The following ANKRD6 variants were observed in gnomAD, a reference collection of about 807,000 sequenced individuals.
The protein encoded by ANKRD6 is ankyrin repeat domain 6.
Under a neutral mutation model 82.3 loss-of-function variants are expected in ANKRD6, and 56 were observed. The observed-to-expected ratio is 0.68, with a 90% confidence interval of 0.55 to 0.85. The LOEUF (loss-of-function observed/expected upper bound fraction) is 0.85. Among genes scored for constraint, ANKRD6 ranks in the 40% least tolerant of loss-of-function variants. The pLI is 0.00. For synonymous variants in ANKRD6, 347 were observed against 352.1 expected (o/e 0.99, Z 0.16); for missense variants, 852 against 907.6 (o/e 0.94, Z 0.79).
At chr6:89,626,373 G>T (rs995752281) in intron 13 of ANKRD6, among the ~76,000 whole-genome samples, 1 of 152,166 alleles carries the variant, frequency 6.6e-6, no homozygotes, top group African/African-American at 2.4e-5. Flanking sequence ...TGGCACCCTT[G>T]AGTCAGATGC....
chr6:89,619,214 C>T (rs754798695), intron 9 of ANKRD6, among the ~76,000 whole-genome samples: 9 of 152,088 alleles, frequency 5.9e-5, no homozygotes, highest in African/African-American at 1.2e-4. Flanking sequence ...GGAAAAGCTG[C>T]GGGGTTTCCA....
At chr6:89,538,328 G>C (rs1784091603) in intron 1 of ANKRD6, among the ~76,000 whole-genome samples, 1 of 152,152 alleles carries the variant, frequency 6.6e-6, no homozygotes, top group Non-Finnish European at 1.5e-5. Context: ...TTTGTGAAAA[G>C]TATAGAAATT....
At chr6:89,531,748 C>T (rs1164427909) in intron 1 of ANKRD6, among the ~76,000 whole-genome samples, 2 of 152,246 alleles carry the variant, frequency 1.3e-5, no homozygotes, top group African/African-American at 4.8e-5. Flanking sequence ...CCCACACTAC[C>T]ACCTTGTCTC....
chr6:89,451,697 G>C (rs546369327), intron 1 of ANKRD6, among the ~76,000 whole-genome samples: 1 of 152,252 alleles, frequency 6.6e-6, no homozygotes, highest in South Asian at 2.1e-4. Context: ...GGTACTTAAA[G>C]AATCAAAAAC....
At chr6:89,588,585 GT>G (rs1352761323) in intron 2 of ANKRD6, among the ~76,000 whole-genome samples, 2 of 152,086 alleles carry the variant, frequency 1.3e-5, no homozygotes, top group African/African-American at 2.4e-5. Context: ...TGGTTAAATT[GT>G]TTTATTGTTT....
chr6:89,579,095 C>T (rs1317473002), intron 2 of ANKRD6, among the ~76,000 whole-genome samples: 3 of 152,134 alleles, frequency 2.0e-5, no homozygotes, highest in African/African-American at 4.8e-5. Flanking sequence ...CTGATGAAGG[C>T]GGTGTAGTGT....
chr6:89,452,234 C>G (rs1423557886), intron 1 of ANKRD6, among the ~76,000 whole-genome samples: 3 of 152,138 alleles, frequency 2.0e-5, no homozygotes. Flanking sequence ...CTAAGTAAAT[C>G]GGATGGAGTT....
chr6:89,496,207 G>C (rs1348758987), intron 1 of ANKRD6, among the ~76,000 whole-genome samples: 1 of 150,820 alleles, frequency 6.6e-6, no homozygotes, highest in Non-Finnish European at 1.5e-5. Context: ...AAAGTACTTA[G>C]GAATTTCCTT....
chr6:89,560,498 G>T (rs1221796316), intron 1 of ANKRD6, among the ~76,000 whole-genome samples: 1 of 152,150 alleles, frequency 6.6e-6, no homozygotes, highest in Non-Finnish European at 1.5e-5. Flanking sequence ...ATTGGGGGAC[G>T]CAATTCAGTT....
intron 1 of ANKRD6, among the ~76,000 whole-genome samples, chr6:89,489,967 G>A (rs1255596874): frequency 1.3e-5 from 2 of 152,226 alleles, no homozygotes; most frequent in Non-Finnish European, 2.9e-5. Flanking sequence ...CAGGGATTCT[G>A]TGTCCTGGGT....
At chr6:89,551,555 C>G (rs1178675949) in intron 1 of ANKRD6, among the ~76,000 whole-genome samples, 1 of 152,184 alleles carries the variant, frequency 6.6e-6, no homozygotes, top group Non-Finnish European at 1.5e-5. Context: ...GGGTTCCAGG[C>G]CCCTGAGATT....
chr6:89,474,864 A>C (rs533388212), intron 1 of ANKRD6, among the ~76,000 whole-genome samples: 2 of 152,300 alleles, frequency 1.3e-5, no homozygotes, highest in Non-Finnish European at 2.9e-5. Context: ...TGACAAACCT[A>C]AAGTTTGCCT....
intron 1 of ANKRD6, among the ~76,000 whole-genome samples, chr6:89,462,871 T>C (rs1562556882): frequency 6.6e-6 from 1 of 151,242 alleles, no homozygotes; most frequent in Admixed American, 6.6e-5. Context: ...TTTAGTTTTT[T>C]TTTTTTTTTT....
intron 7 of ANKRD6, 91 bp downstream of exon 7, chr6:89,613,981 TGGGA>T: frequency 3.0e-6 from 4 of 1,329,392 alleles, no homozygotes; most frequent in Non-Finnish European, 4.1e-6. Context: ...CAGAGGCTGC[TGGGA>T]AGCTGCCATG....
At chr6:89,466,667 A>T (rs1038360700) in intron 1 of ANKRD6, among the ~76,000 whole-genome samples, 1 of 151,900 alleles carries the variant, frequency 6.6e-6, no homozygotes, top group Non-Finnish European at 1.5e-5. Flanking sequence ...CTTCCTGTAA[A>T]TTGTGAATTT....
chr6:89,501,518 G>A (rs948008912), intron 1 of ANKRD6, among the ~76,000 whole-genome samples: 4 of 152,216 alleles, frequency 2.6e-5, no homozygotes, highest in Admixed American at 6.5e-5. Context: ...TCCCAGCCAC[G>A]AGAATGCTAG....
intron 1 of ANKRD6, among the ~76,000 whole-genome samples, chr6:89,445,232 A>C (rs1582622967): frequency 7.0e-6 from 1 of 142,912 alleles, no homozygotes; most frequent in Admixed American, 7.0e-5. Flanking sequence ...ATTATGAAAA[A>C]TTGTTTCGGT....
chr6:89,462,972 C>T (rs1774382624), intron 1 of ANKRD6, among the ~76,000 whole-genome samples: 2 of 151,694 alleles, frequency 1.3e-5, no homozygotes, highest in Middle Eastern at 3.4e-3. Context: ...AAGTGATCCT[C>T]CTGCCTCAGC....
chr6:89,536,552 C>T (rs549913935), intron 1 of ANKRD6, among the ~76,000 whole-genome samples: 1 of 152,194 alleles, frequency 6.6e-6, no homozygotes, highest in African/African-American at 2.4e-5. Flanking sequence ...CTGTGTATGT[C>T]GAAGACATGT....
Sources: allele counts gnomAD v4.1 joint callset (sites outside exome capture counted in the v4.1 genomes callset), GRCh38; gene constraint gnomAD v4.1.1; transcripts MANE v1.5; gene names NCBI Gene and HGNC (gene_info 2026-07-23, HGNC 2026-07-21).